Variants in TYR observed in about 807,000 individuals in gnomAD.
TYR encodes the protein tyrosinase, also known as LB24-AB.
A neutral mutation model predicts 51.5 loss-of-function variants in TYR; 58 were observed. The ratio of observed to expected loss-of-function variants is 1.13; its 90% confidence interval spans 0.91 to 1.40. The LOEUF is 1.40. TYR is among the 40% of genes most tolerant of loss of function. TYR has a pLI of 0.00. For missense variants in TYR, 732 were observed against 647.4 expected (o/e 1.13, Z -1.42); for synonymous variants, 263 against 235.2 (o/e 1.12, Z -1.08).
intron 3 of TYR, among the ~76,000 whole-genome samples, chr11:89,242,926 T>C (rs1944217965): frequency 6.6e-6 from 1 of 152,060 alleles, no homozygotes; most frequent in African/African-American, 2.4e-5. Context: ...GAGATATGAG[T>C]CAGTTAACCA....
At chr11:89,178,886 G>T (rs1250564609) in intron 1 of TYR, 114 bp downstream of exon 1, 21 of 1,033,758 alleles carry the variant, frequency 2.0e-5, no homozygotes, top group Non-Finnish European at 2.7e-5. Flanking sequence ...ATCAAGGACA[G>T]AAATGGTGCC....
At chr11:89,277,666 G>C (rs1014665017) in intron 3 of TYR, among the ~76,000 whole-genome samples, 1 of 151,650 alleles carries the variant, frequency 6.6e-6, no homozygotes, top group Non-Finnish European at 1.5e-5. Flanking sequence ...CACTTCTTCA[G>C]GGGTTTCTGC....
chr11:89,227,047 T>C (rs1054888448), intron 2 of TYR, among the ~76,000 whole-genome samples: 15 of 152,238 alleles, frequency 9.9e-5, no homozygotes, highest in African/African-American at 2.9e-4. Context: ...ATCCCAACTC[T>C]ACCTGGGTAG....
chr11:89,182,747 C>T lies in TYR; in HGVS notation c.819+3975C>T, dbSNP rs141925943. Among the ~76,000 whole-genome samples, 29 of 152,174 alleles carry T rather than the reference C, an allele frequency of 1.9e-4. 1 individual carries two copies. Among genetic ancestry groups the T allele is most frequent in the African/African-American group, 6.0e-4 (25 of 41,532 alleles). ...TTGGAGGTGGAGGGTTGCTTAATAACATTTAAGTACAAACTACCCATGCTC... is the reference window on the plus strand; with the variant it reads ...TTGGAGGTGGAGGGTTGCTTAATAATATTTAAGTACAAACTACCCATGCTC... On this transcript the variant is annotated intron_variant, in intron 1 of 4. Transcript: ENST00000263321.
Position 89,285,031 on chromosome 11 carries a change from G to A in TYR, c.1366+77G>A, listed in dbSNP as rs1243160384. The A allele has an allele frequency of 2.4e-6, 3 of 1,261,864 alleles. No individual in the cohort carries two copies. The African/African-American group carries it at 4.4e-5, about 19-fold the overall frequency. 78.2% of individuals were successfully genotyped at this position (1,261,864 alleles called of 1,614,324 possible). On this transcript the variant is annotated intron_variant, in intron 4 of 4. Transcript: ENST00000263321. ...ATTTTGAGATAACACAAAACTTTATGCTTCGACAATGTTATTCCTGAACAC... is the reference window on the plus strand; with the variant it reads ...ATTTTGAGATAACACAAAACTTTATACTTCGACAATGTTATTCCTGAACAC...
intron 3 of TYR, among the ~76,000 whole-genome samples, chr11:89,280,120 G>T (rs962948953): frequency 6.6e-6 from 1 of 151,404 alleles, no homozygotes; most frequent in African/African-American, 2.4e-5. Flanking sequence ...GGTGGTTGTC[G>T]TTTCTTTGAA....
chr11:89,285,512 C>T (rs537526343), intron 4 of TYR, among the ~76,000 whole-genome samples: 39 of 151,662 alleles, frequency 2.6e-4, no homozygotes, highest in Middle Eastern at 3.4e-3. Context: ...TCTATGATGA[C>T]GATAGTAATA....
rs143395018 is a variant in TYR at position 89,219,033 on chromosome 11, C to A, written c.1037-8790C>A. Among the ~76,000 whole-genome samples the A allele has an allele frequency of 9.3e-3, 1,424 of 152,308 alleles. 13 individuals are homozygous for A. The highest frequency in any genetic ancestry group is 0.022 in the Admixed American group (338 of 15,288). On this transcript the variant is annotated intron_variant, in intron 2 of 4. Transcript: ENST00000263321. Reference sequence around the variant, plus strand: ...GTGATAATAATCACAATACCTACCTCATATGCTATTGTGAAGATTACATAA... The same window carrying A: ...GTGATAATAATCACAATACCTACCTAATATGCTATTGTGAAGATTACATAA...
chr11:89,236,608 T>G (rs577919582), intron 3 of TYR, among the ~76,000 whole-genome samples: 1 of 152,198 alleles, frequency 6.6e-6, no homozygotes, highest in African/African-American at 2.4e-5. Flanking sequence ...CCACAGAATA[T>G]TGTGTGGCAT....
At chr11:89,242,360 A>C (rs1447628217) in intron 3 of TYR, among the ~76,000 whole-genome samples, 2 of 145,828 alleles carry the variant, frequency 1.4e-5, no homozygotes, top group South Asian at 4.3e-4. Context: ...GGCACCCACC[A>C]CCACGCCCAG....
intron 2 of TYR, among the ~76,000 whole-genome samples, chr11:89,213,871 G>T (rs1943795583): frequency 6.6e-6 from 1 of 152,134 alleles, no homozygotes; most frequent in East Asian, 1.9e-4. Flanking sequence ...AATGGTGTTG[G>T]GAAAACTGGC....
chr11:89,221,762 A>G (rs968121043), intron 2 of TYR, among the ~76,000 whole-genome samples: 1 of 152,180 alleles, frequency 6.6e-6, no homozygotes, highest in African/African-American at 2.4e-5. Context: ...TCTTCTTTTT[A>G]TTTCCTCTTC....
At chr11:89,270,058 G>T (rs574537066) in intron 3 of TYR, among the ~76,000 whole-genome samples, 31 of 151,942 alleles carry the variant, frequency 2.0e-4, no homozygotes, top group African/African-American at 7.2e-4. Context: ...TCCTCCAATG[G>T]CTCCTCACAG....
At chr11:89,270,425 A>ATGTGCTGTG in intron 3 of TYR, among the ~76,000 whole-genome samples, 1 of 151,904 alleles carries the variant, frequency 6.6e-6, no homozygotes, top group Non-Finnish European at 1.5e-5. Flanking sequence ...TGGCATTCAC[A>ATGTGCTGTG]CTGTACTGTG....
chr11:89,203,429 CT>C (rs965121609), intron 2 of TYR, among the ~76,000 whole-genome samples: 7 of 152,174 alleles, frequency 4.6e-5, no homozygotes, highest in African/African-American at 1.7e-4. Flanking sequence ...AAAAGAAATT[CT>C]TGTGTGAAAC....
chr11:89,215,612 TTAAAA>T (rs1943822467), intron 2 of TYR, among the ~76,000 whole-genome samples: 1 of 152,152 alleles, frequency 6.6e-6, no homozygotes, highest in South Asian at 2.1e-4. Context: ...AAGCAATCCA[TTAAAA>T]TAATCTATTT....
intron 3 of TYR, among the ~76,000 whole-genome samples, chr11:89,272,699 A>C (rs1197673614): frequency 6.6e-6 from 1 of 151,946 alleles, no homozygotes; most frequent in Non-Finnish European, 1.5e-5. Flanking sequence ...TTCCAATAGA[A>C]GGCAATTTGT....
At chr11:89,272,037 C>G (rs1944594194) in intron 3 of TYR, among the ~76,000 whole-genome samples, 1 of 151,834 alleles carries the variant, frequency 6.6e-6, no homozygotes, top group Admixed American at 6.6e-5. Flanking sequence ...CTTGAACCCC[C>G]TCAAAGTCAT....
intron 2 of TYR, among the ~76,000 whole-genome samples, chr11:89,213,162 T>A: frequency 6.6e-6 from 1 of 152,148 alleles, no homozygotes; most frequent in East Asian, 1.9e-4. Flanking sequence ...TATTTGCAGA[T>A]GATATGATTG....
Sources: allele counts gnomAD v4.1 joint callset (sites outside exome capture counted in the v4.1 genomes callset), GRCh38; gene constraint gnomAD v4.1.1; transcripts MANE v1.5; gene names NCBI Gene and HGNC (gene_info 2026-07-23, HGNC 2026-07-21).